Variants in KSR2 observed in about 807,000 individuals in gnomAD.
KSR2 encodes the protein kinase suppressor of ras 2.
KSR2 carries 25 observed loss-of-function variants against 107.8 expected under a neutral mutation model. That is an observed-to-expected ratio of 0.23 (90% CI 0.17 to 0.32). The LOEUF is 0.32. Among genes scored for constraint, KSR2 ranks in the 10% least tolerant of loss-of-function variants. The pLI is 1.00. For synonymous variants in KSR2, 480 were observed against 507.0 expected (o/e 0.95, Z 0.71); for missense variants, 887 against 1,268.9 (o/e 0.70, Z 4.57).
chr12:117,607,849 C>T (rs1326197492), intron 5 of KSR2, among the ~76,000 whole-genome samples: 1 of 152,118 alleles, frequency 6.6e-6, no homozygotes, highest in East Asian at 1.9e-4. Flanking sequence ...CACTGGTGCC[C>T]TTTTGGAGAC....
At chr12:117,737,329 G>A (rs749759721) in intron 4 of KSR2, among the ~76,000 whole-genome samples, 68 of 152,122 alleles carry the variant, frequency 4.5e-4, no homozygotes, top group Non-Finnish European at 6.8e-4. Context: ...GTATGTTTAT[G>A]TAAGATTAAA....
intron 5 of KSR2, among the ~76,000 whole-genome samples, chr12:117,609,269 C>T (rs543946079): frequency 5.3e-5 from 8 of 152,242 alleles, no homozygotes; most frequent in South Asian, 2.1e-4. Flanking sequence ...GGGATAACAA[C>T]GTTCCACAGG....
At chr12:117,585,400 A>T (rs1027678941) in intron 5 of KSR2, among the ~76,000 whole-genome samples, 5 of 152,174 alleles carry the variant, frequency 3.3e-5, no homozygotes, top group African/African-American at 1.2e-4. Flanking sequence ...CCCTTCAAAA[A>T]ATAGATGTAA....
intron 5 of KSR2, among the ~76,000 whole-genome samples, chr12:117,614,273 G>T (rs1466273966): frequency 3.3e-5 from 5 of 152,108 alleles, no homozygotes; most frequent in Non-Finnish European, 5.9e-5. Context: ...ATATTCTGGT[G>T]GCAGAATGTG....
chr12:117,559,699 G>C lies in KSR2; in HGVS notation c.1326-1126C>G, dbSNP rs115759604. Among the ~76,000 whole-genome samples the C allele has an allele frequency of 5.9e-3, 903 of 152,308 alleles. 4 individuals carry two copies. Among genetic ancestry groups the C allele is most frequent in the African/African-American group, 0.02 (828 of 41,560 alleles). On this transcript the variant is annotated intron_variant, in intron 7 of 19. Coordinates refer to ENST00000339824, the MANE Select transcript of KSR2 (RefSeq NM_173598.6). ...GAATGATAATGTCTTCCTTTGAGAG[G>C]AGCCAAAGAGGACACCTTGCTCTTT...
chr12:117,491,053 G>A (rs189001528), intron 14 of KSR2, among the ~76,000 whole-genome samples: 1 of 152,110 alleles, frequency 6.6e-6, no homozygotes, highest in Non-Finnish European at 1.5e-5. Flanking sequence ...GAAGTTCTGT[G>A]GCCTTTGATC....
intron 3 of KSR2, among the ~76,000 whole-genome samples, chr12:117,832,343 G>A (rs1475153117): frequency 1.3e-5 from 2 of 152,136 alleles, no homozygotes; most frequent in African/African-American, 4.8e-5. Flanking sequence ...TGTTTTAGGG[G>A]AGGAAACCAG....
chr12:117,661,264 C>A (rs1469045494), intron 5 of KSR2, among the ~76,000 whole-genome samples: 1 of 111,730 alleles, frequency 9.0e-6, no homozygotes, highest in African/African-American at 2.5e-5. Context: ...CGATCCTGTA[C>A]CAGAAAAAAA....
chr12:117,773,079 G>A (rs931406866), intron 3 of KSR2, among the ~76,000 whole-genome samples: 3 of 152,152 alleles, frequency 2.0e-5, no homozygotes, highest in African/African-American at 2.4e-5. Flanking sequence ...CTTCAGCAGC[G>A]TTTCACTGAT....
rs539891021 is a variant in KSR2, at chr12:117,849,133, C to T, written c.472+6295G>A. On this transcript the variant is annotated intron_variant, in intron 3 of 19. Coordinates refer to ENST00000339824, the MANE Select transcript of KSR2 (RefSeq NM_173598.6). ...TAAGAAGGAGAAAGGAGAAAGAGAA[C>T]GGAGGCTGCCCTAGCCACCTTATTT... 4.2e-4 allele frequency among the ~76,000 whole-genome samples: 64 copies of T among 152,228 alleles called. No individual in the cohort carries two copies. In the South Asian group the frequency reaches 0.011, roughly 27 times the overall value.
intron 3 of KSR2, among the ~76,000 whole-genome samples, chr12:117,790,300 T>C (rs1890210441): frequency 6.6e-6 from 1 of 151,826 alleles, no homozygotes; most frequent in South Asian, 2.1e-4. Flanking sequence ...TCAGCATGTG[T>C]AAGAGGTACA....
At position 117,739,813 on chromosome 12, in the gene KSR2, C is replaced by T. The variant is rs146471274; in HGVS notation, c.986+21198G>A. Among the ~76,000 whole-genome samples the T allele has an allele frequency of 4.6e-3, 691 of 151,712 alleles. 2 individuals carry two copies. Among genetic ancestry groups the T allele is most frequent in the Admixed American group, 8.5e-3 (130 of 15,244 alleles). ...GTTGAAATAGACCTCCCAATCTCAGCCAAGGCACAAACTCAGAGAAGAGTA... is the reference window on the plus strand; with the variant it reads ...GTTGAAATAGACCTCCCAATCTCAGTCAAGGCACAAACTCAGAGAAGAGTA... On this transcript the variant is annotated intron_variant, in intron 4 of 19. Coordinates refer to ENST00000339824, the MANE Select transcript of KSR2 (RefSeq NM_173598.6).
intron 1 of KSR2, among the ~76,000 whole-genome samples, chr12:117,878,511 A>G (rs11068711): frequency 0.15 from 22,777 of 152,132 alleles, 2,249 homozygotes; most frequent in East Asian, 0.48. Flanking sequence ...CAGGTGCTGT[A>G]CTAGGGGAGG....
At chr12:117,894,190 T>TGAGCCACCGGCGC (rs1315019910) in intron 1 of KSR2, among the ~76,000 whole-genome samples, 42 of 152,170 alleles carry the variant, frequency 2.8e-4, no homozygotes, top group African/African-American at 9.9e-4. Flanking sequence ...ATTACAGGCG[T>TGAGCCACCGGCGC]GAGCCACCGG....
At chr12:117,743,389 G>A (rs993523230) in intron 4 of KSR2, among the ~76,000 whole-genome samples, 3 of 152,350 alleles carry the variant, frequency 2.0e-5, no homozygotes, top group Middle Eastern at 3.4e-3. Context: ...AGGGAAATGG[G>A]AAGACCATAA....
At chr12:117,783,167 A>G (rs1889943929) in intron 3 of KSR2, among the ~76,000 whole-genome samples, 1 of 152,206 alleles carries the variant, frequency 6.6e-6, no homozygotes, top group South Asian at 2.1e-4. Flanking sequence ...TCTAAATATT[A>G]TATGTATATT....
At chr12:117,824,856 C>CA (rs146100153) in intron 3 of KSR2, among the ~76,000 whole-genome samples, 11,246 of 74,624 alleles carry the variant, frequency 0.15, 661 homozygotes, top group Non-Finnish European at 0.17. Context: ...GACTCTATCT[C>CA]AAAAAAAAAA....
intron 14 of KSR2, among the ~76,000 whole-genome samples, chr12:117,509,296 C>T (rs1392002226): frequency 2.6e-5 from 4 of 152,182 alleles, no homozygotes. Context: ...TTGCATTCAG[C>T]ACCTGATGGA....
chr12:117,731,266 T>A (rs190058637), intron 4 of KSR2, among the ~76,000 whole-genome samples: 1 of 134,452 alleles, frequency 7.4e-6, no homozygotes, highest in Admixed American at 7.3e-5. Context: ...GAGCCCCTCC[T>A]CCCAGCAGCC....
Sources: allele counts gnomAD v4.1 joint callset (sites outside exome capture counted in the v4.1 genomes callset), GRCh38; gene constraint gnomAD v4.1.1; transcripts MANE v1.5; gene names NCBI Gene and HGNC (gene_info 2026-07-23, HGNC 2026-07-21).